SYT1: variants seen among roughly 807,000 people sequenced by gnomAD.
SYT1 encodes the protein synaptotagmin-1.
SYT1 carries 8 observed loss-of-function variants against 44.8 expected under a neutral mutation model. The ratio of observed to expected loss-of-function variants is 0.18; its 90% CI spans 0.10 to 0.32. The LOEUF (loss-of-function observed/expected upper bound fraction) is 0.32. SYT1 is among the 10% of genes least tolerant of loss of function. The pLI is 1.00. For missense variants in SYT1, 286 were observed against 509.3 expected, an observed-to-expected ratio of 0.56 and a Z score of 4.22; for synonymous variants, 154 against 188.8, an observed-to-expected ratio of 0.82 and a Z score of 1.51.
At position 79,449,147 on chromosome 12, in the gene SYT1, A is replaced by G; in HGVS notation, c.*23A>G. ...TAAAGGAAAGAAGAAGCCTTTCTGC[A>G]TTTGCCCATATAGTGCTCTTTAGCC... On this transcript the variant is annotated 3_prime_UTR_variant, in exon 11 of 11. Transcript: ENST00000261205. The G allele has an allele frequency of 6.3e-7, 1 of 1,576,134 alleles. No individual in the cohort carries two copies. The highest frequency in any genetic ancestry group is 8.6e-7 in the Non-Finnish European group (1 of 1,160,012).
chr12:79,222,034 C>T (rs1235744537), intron 4 of SYT1, among the ~76,000 whole-genome samples: 1 of 152,086 alleles, frequency 6.6e-6, no homozygotes. Context: ...GCCTTTATCT[C>T]TCCTTTATTT....
At chr12:78,994,533 G>GGT (rs920310387) in intron 2 of SYT1, among the ~76,000 whole-genome samples, 1 of 121,576 alleles carries the variant, frequency 8.2e-6, no homozygotes, top group Non-Finnish European at 1.8e-5. Context: ...TTGTTCTGAG[G>GGT]ATTTTTTTTT....
intron 9 of SYT1, among the ~76,000 whole-genome samples, chr12:79,418,195 G>A (rs1868876277): frequency 6.6e-6 from 1 of 152,166 alleles, no homozygotes; most frequent in Admixed American, 6.5e-5. Flanking sequence ...GCTCCTTGTA[G>A]TCCCAGCGCT....
intron 8 of SYT1, among the ~76,000 whole-genome samples, chr12:79,319,140 C>T (rs1453917344): frequency 2.6e-5 from 4 of 152,110 alleles, no homozygotes; most frequent in South Asian, 4.1e-4. Context: ...ACCTATGTGT[C>T]GCAGTAGGAT....
At chr12:79,158,607 A>G (rs1870750187) in intron 3 of SYT1, among the ~76,000 whole-genome samples, 1 of 151,974 alleles carries the variant, frequency 6.6e-6, no homozygotes, top group Non-Finnish European at 1.5e-5. Flanking sequence ...ATAATAATAG[A>G]TGATAAAAGG....
chr12:79,160,948 C>T (rs1870910994), intron 3 of SYT1, among the ~76,000 whole-genome samples: 1 of 152,074 alleles, frequency 6.6e-6, no homozygotes, highest in African/African-American at 2.4e-5. Context: ...AATTATAAGA[C>T]TGGGCCAGGC....
rs59807364 is a variant in SYT1, at chr12:79,147,437, T to C, written c.-17-70066T>C. 2.6e-3 allele frequency among the ~76,000 whole-genome samples: 402 copies of C among 152,160 alleles called. 2 individuals are homozygous for C. Among genetic ancestry groups the C allele is most frequent in the African/African-American group, 8.8e-3 (364 of 41,526 alleles). On this transcript the variant is annotated intron_variant, in intron 3 of 10. Transcript: ENST00000261205. ...AAGTATGTTTAAGGTGTACAGCCTATTTTTTTTCTAGACTTACACTGATTT... is the reference window on the plus strand; with the variant it reads ...AAGTATGTTTAAGGTGTACAGCCTACTTTTTTTCTAGACTTACACTGATTT...
At chr12:79,412,930 C>T (rs985738077) in intron 9 of SYT1, among the ~76,000 whole-genome samples, 1 of 152,130 alleles carries the variant, frequency 6.6e-6, no homozygotes, top group Non-Finnish European at 1.5e-5. Flanking sequence ...CCTTTGATCA[C>T]TACTGAAGTG....
chr12:79,356,768 G>T (rs1368861634), intron 9 of SYT1, among the ~76,000 whole-genome samples: 1 of 152,140 alleles, frequency 6.6e-6, no homozygotes, highest in Non-Finnish European at 1.5e-5. Context: ...TATAAAGTGG[G>T]AATAATGAGA....
chr12:79,207,499 A>T (rs572072097), intron 3 of SYT1, among the ~76,000 whole-genome samples: 1 of 152,304 alleles, frequency 6.6e-6, no homozygotes, highest in Admixed American at 6.5e-5. Context: ...CTCATGCATT[A>T]GCTGTTTGTC....
At chr12:79,343,923 G>A (rs1882487648) in intron 8 of SYT1, among the ~76,000 whole-genome samples, 1 of 152,120 alleles carries the variant, frequency 6.6e-6, no homozygotes, top group Non-Finnish European at 1.5e-5. Context: ...TGCATTTACT[G>A]GTTTCGACTA....
chr12:79,278,229 T>C (rs912477708), intron 4 of SYT1, among the ~76,000 whole-genome samples: 1 of 152,032 alleles, frequency 6.6e-6, no homozygotes, highest in African/African-American at 2.4e-5. Flanking sequence ...CATCAGCACA[T>C]AGAACATTTT....
At chr12:79,151,739 A>G (rs1170602834) in intron 3 of SYT1, among the ~76,000 whole-genome samples, 1 of 152,190 alleles carries the variant, frequency 6.6e-6, no homozygotes, top group Non-Finnish European at 1.5e-5. Context: ...GTGGTGAAGT[A>G]AAAACAAACC....
chr12:79,059,310 A>C (rs1166942445), intron 3 of SYT1, among the ~76,000 whole-genome samples: 1 of 152,128 alleles, frequency 6.6e-6, no homozygotes, highest in Non-Finnish European at 1.5e-5. Flanking sequence ...AACCATATCA[A>C]GATGTAATAA....
intron 4 of SYT1, among the ~76,000 whole-genome samples, chr12:79,239,730 G>A (rs372158776): frequency 7.2e-5 from 11 of 152,266 alleles, no homozygotes; most frequent in East Asian, 3.9e-4. Flanking sequence ...TCGGTGTCTC[G>A]CAAGGCTGCC....
chr12:79,035,753 C>T (rs764109456), intron 2 of SYT1, among the ~76,000 whole-genome samples: 1 of 151,514 alleles, frequency 6.6e-6, no homozygotes, highest in African/African-American at 2.4e-5. Context: ...GAGAAAATGA[C>T]CCCTGCTCAC....
At chr12:79,312,323 C>T (rs1044344043) in intron 8 of SYT1, among the ~76,000 whole-genome samples, 3 of 152,088 alleles carry the variant, frequency 2.0e-5, no homozygotes, top group Non-Finnish European at 4.4e-5. Flanking sequence ...GGTTCTGAAC[C>T]TTAATGCCAT....
chr12:79,101,319 T>C (rs1201495439), intron 3 of SYT1, among the ~76,000 whole-genome samples: 6 of 152,146 alleles, frequency 3.9e-5, no homozygotes, highest in Non-Finnish European at 7.3e-5. Context: ...TTCTGACACA[T>C]GTTACAAAAT....
At chr12:79,059,056 A>G (rs1413858234) in intron 3 of SYT1, among the ~76,000 whole-genome samples, 2 of 152,072 alleles carry the variant, frequency 1.3e-5, no homozygotes, top group Non-Finnish European at 2.9e-5. Context: ...GGGAGGCCTC[A>G]CAATCATGCC....
Sources: allele counts gnomAD v4.1 joint callset (sites outside exome capture counted in the v4.1 genomes callset), GRCh38; gene constraint gnomAD v4.1.1; transcripts MANE v1.5; gene names NCBI Gene and HGNC (gene_info 2026-07-23, HGNC 2026-07-21).